The following INTS6 variants were observed in gnomAD, a reference collection of about 807,000 sequenced individuals.
INTS6 encodes integrator complex subunit 6.
Under a neutral mutation model 104.9 loss-of-function variants are expected in INTS6, and 16 were observed. That is an observed-to-expected ratio of 0.15 (90% CI 0.10 to 0.23). The LOEUF (loss-of-function observed/expected upper bound fraction) is 0.23. INTS6 is among the 10% of genes least tolerant of loss of function. The pLI, the probability that INTS6 is intolerant of heterozygous loss-of-function variation, is 1.00. For synonymous variants in INTS6, 324 were observed against 358.7 expected, an observed-to-expected ratio of 0.90 and a Z score of 1.09; for missense variants, 584 against 1,062.8, an observed-to-expected ratio of 0.55 and a Z score of 6.26.
chr13:51,355,088 T>C, intron 3 of INTS6: 12 of 1,552,524 alleles, frequency 7.7e-6, no homozygotes, highest in Non-Finnish European at 1.0e-5. Context: ...TTTTAAATTC[T>C]TGGGGAGTCA....
chr13:51,360,305 C>T (rs1402932978), downstream of INTS6, among the ~76,000 whole-genome samples: 4 of 151,742 alleles, frequency 2.6e-5, no homozygotes, highest in Non-Finnish European at 4.4e-5. Context: ...TTCTGAAAGG[C>T]GGCAGTGTTT....
chr13:51,341,476 C>A, the INTS6 span: 1 of 900,574 alleles, frequency 1.1e-6, no homozygotes, highest in Non-Finnish European at 1.7e-6. Flanking sequence ...CTCACACTCA[C>A]TCTCTCCAGC....
chr13:51,451,885 A>T (rs1449988380), intron 2 of INTS6, 93 bp downstream of exon 2: 5 of 601,904 alleles, frequency 8.3e-6, no homozygotes, highest in Non-Finnish European at 1.3e-5. Flanking sequence ...GGGGGAGGGG[A>T]GCATAATGAA....
At chr13:51,350,364 A>C (rs1955392678), downstream of INTS6, among the ~76,000 whole-genome samples, 1 of 152,176 alleles carries the variant, frequency 6.6e-6, no homozygotes, top group Admixed American at 6.5e-5. Flanking sequence ...AAAACCAAGA[A>C]TGTGTTAAGG....
chr13:51,364,542 GGTGA>G lies in INTS6; in HGVS notation c.*1206_*1209del, dbSNP rs1368369948. On this transcript the variant is annotated 3_prime_UTR_variant, in exon 18 of 18. Transcript: ENST00000311234. ...AAAAGGCACAGCAGTGATCATGAATGGTGAGTGAGTCAGGCCATAAGATTGCTTC... is the reference window on the plus strand; with the variant it reads ...AAAAGGCACAGCAGTGATCATGAATGGTGAGTCAGGCCATAAGATTGCTTC... 1.2e-5 allele frequency: 4 copies of G among 344,366 alleles called. No individual in the cohort carries two copies. The highest frequency in any genetic ancestry group is 6.5e-5 in the South Asian group (1 of 15,334). 21.3% of individuals were successfully genotyped at this position (344,366 alleles called of 1,614,324 possible).
intron 3 of INTS6, among the ~76,000 whole-genome samples, chr13:51,433,218 C>T (rs111624915): frequency 0.011 from 1,678 of 152,220 alleles, 17 homozygotes; most frequent in Middle Eastern, 0.031. Flanking sequence ...CCAAGGTACG[C>T]GGATCACTTG....
At chr13:51,432,462 A>C (rs561344423) in intron 3 of INTS6, among the ~76,000 whole-genome samples, 29 of 152,280 alleles carry the variant, frequency 1.9e-4, no homozygotes, top group Admixed American at 1.8e-3. Context: ...TATTAAAAAA[A>C]AAAAAACACC....
At chr13:51,338,807 A>AGGGG in the INTS6 span, among the ~76,000 whole-genome samples, 2 of 152,260 alleles carry the variant, frequency 1.3e-5, no homozygotes, top group Non-Finnish European at 2.9e-5. Context: ...CACTGATTAC[A>AGGGG]GGGGTAGTTG....
intron 4 of INTS6, among the ~76,000 whole-genome samples, chr13:51,398,085 C>T (rs1222525126): frequency 1.3e-5 from 2 of 152,024 alleles, no homozygotes; most frequent in East Asian, 1.9e-4. Context: ...CACCACCAAC[C>T]TCCCAAAACC....
At chr13:51,437,199 T>C (rs1332382273) in intron 3 of INTS6, 3 of 152,222 alleles carry the variant, frequency 2.0e-5, no homozygotes, top group African/African-American at 7.2e-5. Flanking sequence ...AATGGAGTTA[T>C]ACAGCAATAA....
intron 3 of INTS6, chr13:51,440,742 G>A (rs1051889839): frequency 6.6e-6 from 1 of 152,188 alleles, no homozygotes; most frequent in African/African-American, 2.4e-5. Context: ...TAGCCTAGGA[G>A]CAATGGGTCA....
At position 51,451,094 on chromosome 13, in the gene INTS6, T is replaced by C. The variant is rs561611350; in HGVS notation, c.270A>G (p.Gln90=). The change falls in exon 3 of 18, where the codon CAA becomes CAG. Residue 90 remains glutamine, a synonymous_variant. Transcript: ENST00000311234. ...ATAAATCAAAAGCTGTCCTTAGGGA[T>C]TGGCCAAGAGTCGTAAGTCCTTCAG... ...LQAEGLTTLG[Q]SLRTAFDLLN... 2.7e-5 allele frequency: 43 copies of C among 1,591,704 alleles called. No individual in the cohort carries two copies. In the South Asian group the frequency reaches 4.1e-4, roughly 15 times the overall value.
intron 13 of INTS6, among the ~76,000 whole-genome samples, chr13:51,375,394 T>C (rs1429875964): frequency 1.3e-5 from 2 of 150,192 alleles, no homozygotes; most frequent in Non-Finnish European, 3.0e-5. Context: ...CCGTGAAAGA[T>C]GTATCTCTTC....
intron 4 of INTS6, chr13:51,422,966 G>T: frequency 1.1e-6 from 1 of 883,674 alleles, no homozygotes; most frequent in Non-Finnish European, 1.5e-6. Context: ...CGCTGTCTCA[G>T]AACCTTCTGT....
intron 6 of INTS6, among the ~76,000 whole-genome samples, chr13:51,389,009 A>G (rs1956197361): frequency 2.0e-5 from 3 of 152,234 alleles, no homozygotes; most frequent in Admixed American, 2.0e-4. Context: ...AGAAGCATAT[A>G]TATGTTGAGA....
chr13:51,350,951 G>C (rs1322007221), downstream of INTS6, among the ~76,000 whole-genome samples: 3 of 151,992 alleles, frequency 2.0e-5, no homozygotes, highest in Non-Finnish European at 4.4e-5. Flanking sequence ...TATTTTCAAG[G>C]TTCATAGTAG....
chr13:51,423,432 G>T (rs576792207), intron 4 of INTS6, among the ~76,000 whole-genome samples: 3 of 152,008 alleles, frequency 2.0e-5, no homozygotes, highest in Admixed American at 6.6e-5. Context: ...CCATCCTTTG[G>T]ATAAAAATTC....
At chr13:51,341,165 G>A in the INTS6 span, 1 of 1,614,042 alleles carries the variant, frequency 6.2e-7, no homozygotes, top group Non-Finnish European at 8.5e-7. Context: ...CTCCGTGAAG[G>A]AATGACATTG....
chr13:51,359,350 T>C (rs901270164), downstream of INTS6, among the ~76,000 whole-genome samples: 1 of 152,102 alleles, frequency 6.6e-6, no homozygotes, highest in African/African-American at 2.4e-5. Context: ...TTTTATCGCA[T>C]ATGTTGGTCT....
Sources: gnomAD v4.1 joint callset for allele counts (sites outside exome capture counted in the v4.1 genomes callset) on GRCh38, gnomAD v4.1.1 for gene constraint, MANE v1.5 for transcripts, NCBI Gene and HGNC (gene_info 2026-07-23, HGNC 2026-07-21) for gene names.